Variants in HHEX observed in about 807,000 individuals in gnomAD.
The protein encoded by HHEX is hematopoietically-expressed homeobox protein HHEX.
In HHEX, 8 loss-of-function variants were observed where a neutral mutation model predicts 27.0. The ratio of observed to expected loss-of-function variants is 0.30; its 90% CI spans 0.17 to 0.54. HHEX has a LOEUF of 0.54. HHEX is among the 20% of genes least tolerant of loss of function. The pLI is 0.95. For synonymous variants in HHEX, 164 were observed against 161.5 expected, an observed-to-expected ratio of 1.02 and a Z score of -0.12; for missense variants, 326 against 357.2, an observed-to-expected ratio of 0.91 and a Z score of 0.70.
intron 1 of HHEX, among the ~76,000 whole-genome samples, chr10:92,690,682 C>T (rs948532519): frequency 1.3e-5 from 2 of 152,154 alleles, no homozygotes; most frequent in African/African-American, 4.8e-5. Context: ...CCTGGCCGGC[C>T]CCCGTGGGGC....
Position 92,692,782 on chromosome 10 carries a change from T to G in HHEX, c.591+30T>G, listed in dbSNP as rs1429157420. ...GGACATGGTTCTGTTTCTATGGAAATAAATATTTTTATCACGTTATCTCAG... is the reference window on the plus strand; with the variant it reads ...GGACATGGTTCTGTTTCTATGGAAAGAAATATTTTTATCACGTTATCTCAG... On this transcript the variant is annotated intron_variant, in intron 3 of 3. Transcript: ENST00000282728. 3 of 1,568,940 alleles carry G rather than the reference T, an allele frequency of 1.9e-6. No homozygotes were observed. In the Admixed American group the frequency reaches 5.0e-5, roughly 26 times the overall value.
chr10:92,694,694 G>C lies in HHEX; in HGVS notation c.739G>C (p.Glu247Gln). The change falls in exon 4 of 4, where the codon GAA becomes CAA. Residue 247 changes from glutamate to glutamine, a missense_variant. Coordinates refer to ENST00000282728, the MANE Select transcript of HHEX (RefSeq NM_002729.5). ...CTCCCCTGCCTCCCAGGAAGACCTT[G>C]AATCAGAGATTTCAGAGGATTCTGA... ...SPSPASQEDLESEISEDSDQE... is the reference protein window; with the variant it reads ...SPSPASQEDLQSEISEDSDQE... 1 of 1,614,162 alleles carries C rather than the reference G, an allele frequency of 6.2e-7. No homozygotes were observed. Among genetic ancestry groups the C allele is most frequent in the Non-Finnish European group, 8.5e-7 (1 of 1,180,016 alleles).
rs983929960 is a variant in HHEX at position 92,694,981 on chromosome 10, G to A, written c.*213G>A. 1.9e-6 allele frequency: 1 copy of A among 528,612 alleles called. No individual in the cohort carries two copies. Among genetic ancestry groups the A allele is most frequent in the Non-Finnish European group, 3.4e-6 (1 of 297,508 alleles). 32.7% of individuals were successfully genotyped at this position (528,612 alleles called of 1,614,324 possible). Reference sequence around the variant, plus strand: ...ACAAATAGTTTATGTACTGCTCTTAGGTTGTTTTGATAAAGTGACATTATA... The same window carrying A: ...ACAAATAGTTTATGTACTGCTCTTAAGTTGTTTTGATAAAGTGACATTATA... On this transcript the variant is annotated 3_prime_UTR_variant, in exon 4 of 4. Transcript: ENST00000282728.
rs1240771743 is a variant in HHEX at position 92,690,065 on chromosome 10, G to A, written c.79G>A (p.Ala27Thr). 2 of 1,542,674 alleles carry A rather than the reference G, an allele frequency of 1.3e-6. No individual in the cohort carries two copies. The highest frequency in any genetic ancestry group is 1.4e-5 in the African/African-American group (1 of 72,046). Residue 27 changes from alanine to threonine, a missense_variant, in exon 1 of 4, where the codon GCA becomes ACA. Ala to Thr is a moderately conservative substitution (Grantham distance 58). Coordinates refer to ENST00000282728, the MANE Select transcript of HHEX (RefSeq NM_002729.5). ...CGCGCCCACGCCGCTGCTGCAACCCGCACACCCGACGCCCTTTTACATCGA... is the reference window on the plus strand; with the variant it reads ...CGCGCCCACGCCGCTGCTGCAACCCACACACCCGACGCCCTTTTACATCGA... ...LYAPTPLLQP[A>T]HPTPFYIEDI...
intron 1 of HHEX, chr10:92,692,058 T>G: frequency 4.4e-6 from 1 of 228,150 alleles, no homozygotes; most frequent in African/African-American, 2.3e-5. Context: ...GTCGTGGTAT[T>G]GTAAGCCCAG....
chr10:92,690,281 C>A lies in HHEX; in HGVS notation c.295C>A (p.Pro99Thr), dbSNP rs754334398. Residue 99 changes from proline to threonine, a missense_variant, in exon 1 of 4, where the codon CCT becomes ACT. Around this residue, in one of 4 missense-constraint regions of HHEX, gnomAD observed 215 missense variants for 196.4 expected, o/e 1.09. Transcript: ENST00000282728. ...AAYGPGGFGG[P>T]LYPFPRTVND... ...CTACGGACCCGGCGGCTTCGGGGGC[C>A]CTCTGTACCCCTTCCCGCGGACGGT... 3.9e-6 allele frequency: 6 copies of A among 1,550,266 alleles called. No individual in the cohort carries two copies. In the South Asian group the frequency reaches 5.9e-5, roughly 15 times the overall value.
intron 3 of HHEX, among the ~76,000 whole-genome samples, chr10:92,693,964 A>G (rs1845380002): frequency 6.6e-6 from 1 of 152,216 alleles, no homozygotes; most frequent in Non-Finnish European, 1.5e-5. Flanking sequence ...CTCAGTTGGC[A>G]GCATTCTTCC....
rs201671743 is a variant in HHEX at position 92,692,486 on chromosome 10, A to G, written c.480A>G (p.Lys160=). 3 of 1,613,982 alleles carry G rather than the reference A, an allele frequency of 1.9e-6. No individual in the cohort carries two copies. Among genetic ancestry groups the G allele is most frequent in the African/African-American group, 1.3e-5 (1 of 75,012 alleles). The change falls in exon 2 of 4, where the codon AAA becomes AAG. Residue 160 remains lysine (K), a synonymous_variant. Coordinates refer to ENST00000282728, the MANE Select transcript of HHEX (RefSeq NM_002729.5). ...TGGAGAAGAAATTCGAGACGCAGAA[A>G]TATCTCTCTCCGCCCGAGAGGAAGC... The part of the protein sequence containing the change: ...IELEKKFETQ[K]YLSPPERKRL...
intron 1 of HHEX, 78 bp downstream of exon 1, chr10:92,690,425 A>AG: frequency 1.5e-6 from 2 of 1,378,396 alleles, no homozygotes; most frequent in South Asian, 3.2e-5. Flanking sequence ...GAGGGGGCGA[A>AG]GGGGGCAGGC....
In HHEX at chr10:92,692,405, T is replaced by A; in HGVS notation, c.399T>A (p.Pro133=). Residue 133 remains proline (P), a synonymous_variant, in exon 2 of 4, where the codon CCT becomes CCA. Transcript: ENST00000282728. ...TCTGGAGCCCCTTCTTGCAGAGGCC[T>A]CTGCATAAAAGGAAAGGCGGCCAGG... ...PLLWSPFLQR[P]LHKRKGGQVR... is the part of the protein sequence containing the mutation. 6.2e-7 allele frequency: 1 copy of A among 1,613,928 alleles called. No homozygotes were observed. Among genetic ancestry groups the A allele is most frequent in the Non-Finnish European group, 8.5e-7 (1 of 1,179,976 alleles).
At chr10:92,693,015 A>G (rs1342128851) in intron 3 of HHEX, among the ~76,000 whole-genome samples, 5 of 152,230 alleles carry the variant, frequency 3.3e-5, no homozygotes, top group Non-Finnish European at 5.9e-5. Context: ...ATTGTTTTAT[A>G]AATCCCATAT....
At position 92,694,919 on chromosome 10, in the gene HHEX, A is replaced by C. The variant is rs1845389263; in HGVS notation, c.*151A>C. 1.6e-6 allele frequency: 1 copy of C among 629,288 alleles called. No individual in the cohort carries two copies. The highest frequency in any genetic ancestry group is 1.8e-5 in the African/African-American group (1 of 54,472). The allele number at this position is 629,288 out of a possible 1,614,324, so 39.0% of individuals were successfully genotyped here. On this transcript the variant is annotated 3_prime_UTR_variant, in exon 4 of 4. Coordinates refer to ENST00000282728, the MANE Select transcript of HHEX (RefSeq NM_002729.5). Reference sequence around the variant, plus strand: ...CTAAAAATATTTGGTGCACTGCTCAATTAACAAACCTACATGGAGACCTTA... The same window carrying C: ...CTAAAAATATTTGGTGCACTGCTCACTTAACAAACCTACATGGAGACCTTA...
chr10:92,692,954 A>G (rs938828817), intron 3 of HHEX, among the ~76,000 whole-genome samples: 2 of 152,228 alleles, frequency 1.3e-5, no homozygotes, highest in African/African-American at 2.4e-5. Context: ...TGGGGTTCCT[A>G]TATCAATTAT....
In HHEX at chr10:92,695,504, T is replaced by C. The variant is rs1343324296; in HGVS notation, c.*736T>C. ...CACAGGTTAATTAAATGTAAGTAGA[T>C]TGTAGATACTGTTTTATATCAAACA... On this transcript the variant is annotated 3_prime_UTR_variant, in exon 4 of 4. Coordinates refer to ENST00000282728, the MANE Select transcript of HHEX (RefSeq NM_002729.5). 6.6e-6 allele frequency: 1 copy of C among 152,486 alleles called. No individual in the cohort carries two copies. The highest frequency in any genetic ancestry group is 1.5e-5 in the Non-Finnish European group (1 of 68,028). The allele number at this position is 152,486 out of a possible 1,614,324, so 9.4% of individuals were successfully genotyped here.
chr10:92,692,673 T>A (rs2275729), intron 2 of HHEX, 29 bp from the exon 3 acceptor site: 1 of 1,612,410 alleles, frequency 6.2e-7, no homozygotes, highest in Non-Finnish European at 8.5e-7. Context: ...GCGGGCTCGT[T>A]GCAAGTTTTC....
intron 1 of HHEX, chr10:92,691,972 G>C (rs760160809): frequency 8.1e-5 from 13 of 160,364 alleles, no homozygotes; most frequent in Non-Finnish European, 1.5e-4. Flanking sequence ...CCCGGTGTTC[G>C]CAAGTGCGGC....
Position 92,689,966 on chromosome 10 carries a change from G to C in HHEX, c.-21G>C. ...CGGCGCGGGCCAGCAGCTCTGCGAG[G>C]GGCCGGAGCGCGGCGGAGCCATGCA... is the stretch of plus-strand genomic sequence containing the variant. On this transcript the variant is annotated 5_prime_UTR_variant, in exon 1 of 4. Coordinates refer to ENST00000282728, the MANE Select transcript of HHEX (RefSeq NM_002729.5). 7.4e-7 allele frequency: 1 copy of C among 1,343,544 alleles called. No homozygotes were observed. The highest frequency in any genetic ancestry group is 1.9e-5 in the South Asian group (1 of 53,610). The allele number at this position is 1,343,544 out of a possible 1,614,324, so 83.2% of individuals were successfully genotyped here.
At chr10:92,692,280 A>G (rs1589622674) in intron 1 of HHEX, 88 bp from the exon 2 acceptor site, 1 of 1,422,462 alleles carries the variant, frequency 7.0e-7, no homozygotes. Flanking sequence ...CTCCTGGCCT[A>G]CCTTTGTCAT....
In HHEX at chr10:92,690,256, C is replaced by G; in HGVS notation, c.270C>G (p.Ala90=). 6.4e-7 allele frequency: 1 copy of G among 1,561,148 alleles called. No homozygotes were observed. Among genetic ancestry groups the G allele is most frequent in the East Asian group, 2.4e-5 (1 of 42,112 alleles). ...SHHSAAALAA[A]YGPGGFGGPL... Reference sequence around the variant, plus strand: ...ACTCCGCCGCCGCGCTGGCCGCTGCCTACGGACCCGGCGGCTTCGGGGGCC... The same window carrying G: ...ACTCCGCCGCCGCGCTGGCCGCTGCGTACGGACCCGGCGGCTTCGGGGGCC... Residue 90 remains alanine, a synonymous_variant, in exon 1 of 4, where the codon GCC becomes GCG. Coordinates refer to ENST00000282728, the MANE Select transcript of HHEX (RefSeq NM_002729.5).
Sources: allele counts gnomAD v4.1 joint callset (sites outside exome capture counted in the v4.1 genomes callset), GRCh38; gene constraint gnomAD v4.1.1; regional missense constraint gnomAD v4.1.1; transcripts MANE v1.5; gene names NCBI Gene and HGNC (gene_info 2026-07-23, HGNC 2026-07-21).